The following GLMP variants were observed in gnomAD, a reference collection of about 807,000 sequenced individuals.
The protein encoded by GLMP is kidney lysosomal membrane protein.
Under a neutral mutation model 39.2 loss-of-function variants are expected in GLMP, and 36 were observed. That is an observed-to-expected ratio of 0.92 (90% CI 0.70 to 1.21). The LOEUF (loss-of-function observed/expected upper bound fraction) is 1.21, where lower values mean the gene tolerates loss of function less well. GLMP is among the 50% of genes most tolerant of loss of function. GLMP has a pLI of 0.00. For synonymous variants in GLMP, 220 were observed against 218.9 expected, an observed-to-expected ratio of 1.01 and a Z score of -0.04; for missense variants, 454 against 505.6, an observed-to-expected ratio of 0.90 and a Z score of 0.98.
In GLMP at chr1:156,293,201, A is replaced by G; in HGVS notation, c.1064T>C (p.Leu355Pro). The change falls in exon 6 of 6, where the codon CTC becomes CCC. Residue 355 changes from leucine to proline, a missense_variant. By Grantham distance (98) the Leu-to-Pro change is moderately conservative. Coordinates refer to ENST00000362007, the MANE Select transcript of GLMP (RefSeq NM_144580.3). ...WDQHYLSWSM[L>P]LGVGFPPVDG... ...CACTGGAGGGAAGCCCACACCCAGG[A>G]GCATCGACCTAGAGCAAGCAGAGAG... 6.2e-7 allele frequency: 1 copy of G among 1,613,300 alleles called. No individual in the cohort carries two copies. The highest frequency in any genetic ancestry group is 8.5e-7 in the Non-Finnish European group (1 of 1,179,632).
Position 156,293,097 on chromosome 1 carries a change from A to G in GLMP, c.1168T>C (p.Leu390=). The G allele has an allele frequency of 6.2e-7, 1 of 1,614,036 alleles. No homozygotes were observed. ...APGLMLLGGG[L]VLLLHHKKYS... is the part of the protein sequence containing the mutation. ...TTCTTGTGGTGCAGCAGCAGAACCA[A>G]GCCGCCCCCTAGCAGCATGAGCCCT... is the stretch of plus-strand genomic sequence containing the variant. Residue 390 remains leucine, a synonymous_variant, in exon 6 of 6, where the codon TTG becomes CTG. Coordinates refer to ENST00000362007, the MANE Select transcript of GLMP (RefSeq NM_144580.3).
At chr1:156,295,176 G>A in intron 1 of GLMP, 160 bp from the exon 2 acceptor site, 1 of 976,796 alleles carries the variant, frequency 1.0e-6, no homozygotes, top group Non-Finnish European at 1.4e-6. Context: ...GGAACCCTGG[G>A]GTAAGGGGCA....
At chr1:156,295,166 G>A (rs1663559193) in intron 1 of GLMP, 150 bp from the exon 2 acceptor site, 2 of 959,660 alleles carry the variant, frequency 2.1e-6, no homozygotes, top group Non-Finnish European at 2.9e-6. Context: ...GGGAGCTGAG[G>A]GAACCCTGGG....
At chr1:156,295,068 A>T (rs1228377851) in intron 1 of GLMP, 52 bp from the exon 2 acceptor site, 1 of 1,352,998 alleles carries the variant, frequency 7.4e-7, no homozygotes, top group Non-Finnish European at 1.0e-6. Context: ...GGAGAGACAC[A>T]GGCAAAAGAG....
intron 1 of GLMP, 86 bp from the exon 2 acceptor site, chr1:156,295,102 G>C (rs1022379294): frequency 3.4e-6 from 4 of 1,170,564 alleles, no homozygotes; most frequent in South Asian, 1.6e-5. Context: ...GGGGGGCTTG[G>C]AAAGTGCTGG....
At chr1:156,295,152 G>T in intron 1 of GLMP, 136 bp from the exon 2 acceptor site, 1 of 960,532 alleles carries the variant, frequency 1.0e-6, no homozygotes. Context: ...AGAGGAATGT[G>T]TGCGGGAGCT....
In GLMP at chr1:156,293,497, C is replaced by A. The variant is rs781498268; in HGVS notation, c.878G>T (p.Gly293Val). The A allele has an allele frequency of 6.2e-7, 1 of 1,613,922 alleles. No individual in the cohort carries two copies. Among genetic ancestry groups the A allele is most frequent in the Non-Finnish European group, 8.5e-7 (1 of 1,180,010 alleles). Reference protein sequence around the residue: ...RPVAYSQKPGGRESALPCQAS... With the variant: ...RPVAYSQKPGVRESALPCQAS... Reference sequence around the variant, plus strand: ...TTGGCAGGGCAGGGCTGATTCTCGGCCCCCCGGCTTCTGGGAGTAAGCCAC... The same window carrying A: ...TTGGCAGGGCAGGGCTGATTCTCGGACCCCCGGCTTCTGGGAGTAAGCCAC... Residue 293 changes from glycine to valine, a missense_variant, in exon 5 of 6, where the codon GGC becomes GTC. Transcript: ENST00000362007.
rs1663389924 is a variant in GLMP at position 156,292,710 on chromosome 1, A to C, written c.*334T>G. 4 of 275,496 alleles carry C rather than the reference A, an allele frequency of 1.5e-5. No individual in the cohort carries two copies. Among genetic ancestry groups the C allele is most frequent in the Non-Finnish European group, 2.7e-5 (4 of 148,308 alleles). 17.1% of individuals were successfully genotyped at this position (275,496 alleles called of 1,614,324 possible). A position where few individuals can be genotyped will look rare whatever the true frequency, so the allele number is the denominator to read the frequency against. On this transcript the variant is annotated 3_prime_UTR_variant, in exon 6 of 6. Coordinates refer to ENST00000362007, the MANE Select transcript of GLMP (RefSeq NM_144580.3). The stretch of plus-strand genomic sequence containing the variant: ...GAGCCCTGTGAAAAAAAATAAATCT[A>C]TTTTCTTGCCTTCCAGGGCAGCCAA...
Position 156,295,535 on chromosome 1 carries a change from C to T in GLMP, c.111G>A (p.Lys37=), listed in dbSNP as rs770932031. 2.3e-4 allele frequency: 353 copies of T among 1,522,982 alleles called. No individual in the cohort carries two copies. Among genetic ancestry groups the T allele is most frequent in the Middle Eastern group, 5.6e-4 (3 of 5,314 alleles). 94.3% of individuals were successfully genotyped at this position (1,522,982 alleles called of 1,614,324 possible). A position where few individuals can be genotyped will look rare whatever the true frequency, so the allele number is the denominator to read the frequency against. Residue 37 remains lysine (K), a synonymous_variant, in exon 1 of 6, where the codon AAG becomes AAA. Transcript: ENST00000362007. ...GCCCCAGGGCCCTCACCTGGCGGGTCTTCTCCCCCAGCAGGCCAAATGGGG... is the reference window on the plus strand; with the variant it reads ...GCCCCAGGGCCCTCACCTGGCGGGTTTTCTCCCCCAGCAGGCCAAATGGGG... ...FAAPFGLLGE[K]TRQVSLEVIP... is the part of the protein sequence containing the mutation.
chr1:156,295,128 T>C (rs1663557943), intron 1 of GLMP, 112 bp from the exon 2 acceptor site: 1 of 1,050,132 alleles, frequency 9.5e-7, no homozygotes, highest in African/African-American at 1.6e-5. Flanking sequence ...GGATGGGATT[T>C]TGGGGACTAG....
chr1:156,293,549 G>C lies in GLMP; in HGVS notation c.826C>G (p.Pro276Ala), dbSNP rs766418200. The C allele has an allele frequency of 1.2e-6, 2 of 1,614,162 alleles. No individual in the cohort carries two copies. The highest frequency in any genetic ancestry group is 1.7e-6 in the Non-Finnish European group (2 of 1,180,026). ...QLDQLLWGSL[P>A]SGFAQWRPVA... Reference sequence around the variant, plus strand: ...GGTCGCCACTGTGCAAAGCCTGATGGGAGGGAGCCCCACAGTAGCTGGTCC... The same window carrying C: ...GGTCGCCACTGTGCAAAGCCTGATGCGAGGGAGCCCCACAGTAGCTGGTCC... Residue 276 changes from proline to alanine, a missense_variant, in exon 5 of 6, where the codon CCA becomes GCA. Transcript: ENST00000362007.
intron 1 of GLMP, 23 bp downstream of exon 1, chr1:156,295,503 C>A (rs758287914): frequency 1.4e-6 from 2 of 1,473,280 alleles, no homozygotes; most frequent in Admixed American, 2.7e-5. Flanking sequence ...AAACTTCTAT[C>A]GCTGTAGCCC....
Position 156,295,611 on chromosome 1 carries a change from C to G in GLMP, c.35G>C (p.Gly12Ala), listed in dbSNP as rs1663577977. 1 of 1,552,990 alleles carries G rather than the reference C, an allele frequency of 6.4e-7. No individual in the cohort carries two copies. The highest frequency in any genetic ancestry group is 1.4e-5 in the African/African-American group (1 of 73,008). ...RGSVECTWGW[G>A]HCAPSPLLLW... ...GAGCAGGGGGCTGGGGGCACAGTGC[C>G]CCCAACCCCAGGTGCACTCCACAGA... The change falls in exon 1 of 6, where the codon GGG (glycine) becomes GCG (alanine). Residue 12 changes from glycine (G) to alanine (A), a missense_variant. Transcript: ENST00000362007.
rs1328686971 is a variant in GLMP at position 156,292,979 on chromosome 1, A to G, written c.*65T>C. 6.4e-6 allele frequency: 10 copies of G among 1,556,402 alleles called. No homozygotes were observed. Among genetic ancestry groups the G allele is most frequent in the East Asian group, 2.3e-5 (1 of 43,858 alleles). Reference sequence around the variant, plus strand: ...GGGCCGGCTGGAACTTGATGCTCCAACCTCCAGAGTTTCGAGGCACAGCAA... The same window carrying G: ...GGGCCGGCTGGAACTTGATGCTCCAGCCTCCAGAGTTTCGAGGCACAGCAA... On this transcript the variant is annotated 3_prime_UTR_variant, in exon 6 of 6. Transcript: ENST00000362007.
intron 2 of GLMP, 73 bp downstream of exon 2, chr1:156,294,686 T>C (rs774450784): frequency 7.0e-6 from 11 of 1,566,460 alleles, no homozygotes; most frequent in Non-Finnish European, 8.7e-6. Context: ...CCCCAGTCTT[T>C]AGTTCCACCC....
chr1:156,294,111 C>G lies in GLMP; in HGVS notation c.705G>C (p.Gly235=). ...ASPRGNRSLF[G]LEVATLGQGP... Reference sequence around the variant, plus strand: ...CCTGGCCCAATGTGGCTACCTCCAGCCCAAACAGGGAACGGTTTCCCCGGG... The same window carrying G: ...CCTGGCCCAATGTGGCTACCTCCAGGCCAAACAGGGAACGGTTTCCCCGGG... Residue 235 remains glycine, a synonymous_variant, in exon 4 of 6, where the codon GGG becomes GGC. Transcript: ENST00000362007. The G allele has an allele frequency of 6.2e-7, 1 of 1,614,190 alleles. No individual in the cohort carries two copies.
chr1:156,294,335 T>C (rs1405507468), intron 3 of GLMP, 30 bp downstream of exon 3: 8 of 1,612,246 alleles, frequency 5.0e-6, no homozygotes, highest in Non-Finnish European at 6.8e-6. Flanking sequence ...ATCAGCCTTT[T>C]TGAGCTCTTT....
chr1:156,292,711 T>A lies in GLMP; in HGVS notation c.*333A>T. ...AGCCCTGTGAAAAAAAATAAATCTA[T>A]TTTCTTGCCTTCCAGGGCAGCCAAC... On this transcript the variant is annotated 3_prime_UTR_variant, in exon 6 of 6. Transcript: ENST00000362007. The A allele has an allele frequency of 3.5e-6, 1 of 282,722 alleles. No homozygotes were observed. Among genetic ancestry groups the A allele is most frequent in the Non-Finnish European group, 6.6e-6 (1 of 152,618 alleles). 17.5% of individuals were successfully genotyped at this position (282,722 alleles called of 1,614,324 possible).
In GLMP at chr1:156,295,648, G is replaced by C. The variant is rs142959258; in HGVS notation, c.-3C>G. The C allele has an allele frequency of 0.013, 20,554 of 1,551,896 alleles. 168 individuals are homozygous for C. Among genetic ancestry groups the C allele is most frequent in the Middle Eastern group, 0.02 (115 of 5,724 alleles). On this transcript the variant is annotated 5_prime_UTR_variant, in exon 1 of 6. Coordinates refer to ENST00000362007, the MANE Select transcript of GLMP (RefSeq NM_144580.3). ...GTGCACTCCACAGAGCCGCGCATACGGCCGCAATTCAGCCGACGGAAGAGG... is the reference window on the plus strand; with the variant it reads ...GTGCACTCCACAGAGCCGCGCATACCGCCGCAATTCAGCCGACGGAAGAGG...
Sources: allele counts gnomAD v4.1 joint callset, GRCh38; gene constraint gnomAD v4.1.1; transcripts MANE v1.5; gene names NCBI Gene and HGNC (gene_info 2026-07-23, HGNC 2026-07-21).